The following PDZRN4 variants were observed in gnomAD, a reference collection of about 807,000 sequenced individuals.
PDZRN4 encodes the protein PDZ domain-containing RING finger protein 4.
A neutral mutation model predicts 99.0 loss-of-function variants in PDZRN4; 70 were observed. The ratio of observed to expected loss-of-function variants is 0.71; its 90% confidence interval spans 0.58 to 0.86. The LOEUF (loss-of-function observed/expected upper bound fraction) is 0.86. Among genes scored for constraint, PDZRN4 ranks in the 40% least tolerant of loss-of-function variants. The pLI, the probability that PDZRN4 is intolerant of heterozygous loss-of-function variation, is 0.00. For synonymous variants in PDZRN4, 551 were observed against 501.6 expected, an observed-to-expected ratio of 1.10 and a Z score of -1.32; for missense variants, 1,474 against 1,331.2, an observed-to-expected ratio of 1.11 and a Z score of -1.67.
intron 3 of PDZRN4, among the ~76,000 whole-genome samples, chr12:41,196,752 T>C (rs1159814161): frequency 1.3e-5 from 2 of 152,108 alleles, no homozygotes; most frequent in African/African-American, 2.4e-5. Flanking sequence ...TTTTAGCTAA[T>C]TGGAAATTGA....
At chr12:41,558,058 A>G (rs1386325033) in intron 7 of PDZRN4, among the ~76,000 whole-genome samples, 2 of 152,128 alleles carry the variant, frequency 1.3e-5, no homozygotes, top group Non-Finnish European at 2.9e-5. Context: ...AATTAAAGGG[A>G]CCATTTTCGT....
intron 3 of PDZRN4, among the ~76,000 whole-genome samples, chr12:41,271,461 C>T (rs1386302338): frequency 6.6e-6 from 1 of 152,050 alleles, no homozygotes; most frequent in Non-Finnish European, 1.5e-5. Flanking sequence ...CTGGGTTTTG[C>T]ATAATTATTT....
At chr12:41,440,869 G>A (rs1250168470) in intron 3 of PDZRN4, among the ~76,000 whole-genome samples, 1 of 152,104 alleles carries the variant, frequency 6.6e-6, no homozygotes, top group Non-Finnish European at 1.5e-5. Flanking sequence ...TGGGAACAAT[G>A]TCCTTCTATT....
chr12:41,549,310 C>G (rs77432165), intron 5 of PDZRN4, among the ~76,000 whole-genome samples: 203 of 152,214 alleles, frequency 1.3e-3, no homozygotes, highest in Non-Finnish European at 2.0e-3. Context: ...GCTTGTGTGT[C>G]CTGTGAAGGG....
Position 41,249,954 on chromosome 12 carries a change from G to A in PDZRN4, c.843+55766G>A, listed in dbSNP as rs144241931. On this transcript the variant is annotated intron_variant, in intron 3 of 9. Transcript: ENST00000402685. Reference sequence around the variant, plus strand: ...TTTATGGGAAATCAATCTAATTTACGCACACTTTTCTCCAGGAAGCATAGT... The same window carrying A: ...TTTATGGGAAATCAATCTAATTTACACACACTTTTCTCCAGGAAGCATAGT... Among the ~76,000 whole-genome samples the A allele has an allele frequency of 1.7e-4, 26 of 152,194 alleles. 1 individual carries two copies. The highest frequency in any genetic ancestry group is 5.3e-4 in the African/African-American group (22 of 41,526).
intron 3 of PDZRN4, among the ~76,000 whole-genome samples, chr12:41,301,248 T>C (rs1469567): frequency 0.29 from 44,558 of 151,862 alleles, 8,851 homozygotes; most frequent in African/African-American, 0.56. Flanking sequence ...CATTTGAATA[T>C]ATTCTTTTCT....
At chr12:41,245,352 A>G (rs1443668012) in intron 3 of PDZRN4, among the ~76,000 whole-genome samples, 1 of 152,162 alleles carries the variant, frequency 6.6e-6, no homozygotes, top group Non-Finnish European at 1.5e-5. Context: ...ACACATATCG[A>G]TTATATGCCT....
At position 41,327,786 on chromosome 12, in the gene PDZRN4, G is replaced by C. The variant is rs192620247; in HGVS notation, c.843+133598G>C. On this transcript the variant is annotated intron_variant, in intron 3 of 9. Coordinates refer to ENST00000402685, the MANE Select transcript of PDZRN4 (RefSeq NM_001164595.2). The stretch of plus-strand genomic sequence containing the variant: ...ATAAAATAATGTTAAACTGCTCTCT[G>C]TATGTTGGTATATGTATGTGTGTGT... 7.4e-4 allele frequency among the ~76,000 whole-genome samples: 113 copies of C among 152,078 alleles called. 1 individual carries two copies. In the South Asian group the frequency reaches 0.017, roughly 23 times the overall value.
At position 41,555,241 on chromosome 12, in the gene PDZRN4, A is replaced by AAAAAAAAGAAAAG. The variant is rs1939135465; in HGVS notation, c.1303-450_1303-449insGAAAAGAAAAAAA. Among the ~76,000 whole-genome samples, 25 of 119,958 alleles carry AAAAAAAAGAAAAG rather than the reference A, an allele frequency of 2.1e-4. 1 individual carries two copies. Among genetic ancestry groups the AAAAAAAAGAAAAG allele is most frequent in the South Asian group, 2.6e-4 (1 of 3,814 alleles). The allele number at this position is 119,958 out of a possible 152,430, so 78.7% of individuals were successfully genotyped here. A position where few individuals can be genotyped will look rare whatever the true frequency, so the allele number is the denominator to read the frequency against. On this transcript the variant is annotated intron_variant, in intron 6 of 9. Transcript: ENST00000402685. The stretch of plus-strand genomic sequence containing the variant: ...GCCAGACTCTGTCTCAAAAAAAAAA[A>AAAAAAAAGAAAAG]AAAAAAAAGAAAAAAAAAAGGACGG...
At chr12:41,490,612 G>A (rs2608700) in intron 3 of PDZRN4, among the ~76,000 whole-genome samples, 148,394 of 152,228 alleles carry the variant, frequency 0.97, 72,339 homozygotes, top group East Asian at 1. Flanking sequence ...TATTGCATTT[G>A]TTATATGTTA....
chr12:41,252,230 G>C (rs1460502044), intron 3 of PDZRN4, among the ~76,000 whole-genome samples: 2 of 152,036 alleles, frequency 1.3e-5, no homozygotes, highest in African/African-American at 4.8e-5. Context: ...TCTACTCCTA[G>C]GTATTTAATA....
At position 41,367,855 on chromosome 12, in the gene PDZRN4, C is replaced by T. The variant is rs186806693; in HGVS notation, c.844-138601C>T. On this transcript the variant is annotated intron_variant, in intron 3 of 9. Coordinates refer to ENST00000402685, the MANE Select transcript of PDZRN4 (RefSeq NM_001164595.2). ...CAAAAACAAGGAAAAAAAATCCTGG[C>T]GCCATGTCCAAAAGGCAGAAGGATT... 2.8e-4 allele frequency among the ~76,000 whole-genome samples: 42 copies of T among 152,056 alleles called. 1 individual carries two copies. Among genetic ancestry groups the T allele is most frequent in the Admixed American group, 1.6e-3 (24 of 15,258 alleles).
intron 3 of PDZRN4, among the ~76,000 whole-genome samples, chr12:41,210,879 A>T (rs1223993556): frequency 6.6e-6 from 1 of 151,806 alleles, no homozygotes; most frequent in Non-Finnish European, 1.5e-5. Flanking sequence ...TTACCAAAAG[A>T]CACTAAAGTC....
At chr12:41,204,555 A>T (rs547210643) in intron 3 of PDZRN4, among the ~76,000 whole-genome samples, 1 of 151,996 alleles carries the variant, frequency 6.6e-6, no homozygotes, top group South Asian at 2.1e-4. Context: ...GACCAAAGGT[A>T]AAAGGGAAGG....
intron 3 of PDZRN4, among the ~76,000 whole-genome samples, chr12:41,317,294 G>T (rs1264231765): frequency 1.3e-5 from 2 of 151,840 alleles, no homozygotes; most frequent in Non-Finnish European, 2.9e-5. Flanking sequence ...TGCTGGAGAT[G>T]CAAGGAAGAG....
chr12:41,336,464 A>G (rs1163552052), intron 3 of PDZRN4, among the ~76,000 whole-genome samples: 3 of 151,608 alleles, frequency 2.0e-5, no homozygotes, highest in African/African-American at 7.3e-5. Context: ...GTGTCAACCT[A>G]AAGGAGAATT....
intron 3 of PDZRN4, among the ~76,000 whole-genome samples, chr12:41,433,305 A>G (rs1051315156): frequency 6.6e-6 from 1 of 152,158 alleles, no homozygotes; most frequent in Non-Finnish European, 1.5e-5. Flanking sequence ...TCAGGATGTT[A>G]GAGATTGAAT....
At chr12:41,282,832 A>G (rs1951397026) in intron 3 of PDZRN4, among the ~76,000 whole-genome samples, 1 of 152,234 alleles carries the variant, frequency 6.6e-6, no homozygotes, top group Non-Finnish European at 1.5e-5. Flanking sequence ...CAATGAGATC[A>G]AAGACACAAT....
intron 3 of PDZRN4, among the ~76,000 whole-genome samples, chr12:41,209,577 A>G (rs576055215): frequency 0.023 from 3,337 of 145,998 alleles, 86 homozygotes; most frequent in African/African-American, 0.068. Context: ...ATTCCCACCT[A>G]TGAGTGAGAA....
Sources: gnomAD v4.1 joint callset for allele counts (sites outside exome capture counted in the v4.1 genomes callset) on GRCh38, gnomAD v4.1.1 for gene constraint, MANE v1.5 for transcripts, NCBI Gene and HGNC (gene_info 2026-07-23, HGNC 2026-07-21) for gene names.